NRXN1: variants seen among roughly 807,000 people sequenced by gnomAD.
NRXN1 encodes the protein neurexin-1.
In NRXN1, 39 loss-of-function variants were observed where a neutral mutation model predicts 150.9. That is an observed-to-expected ratio of 0.26 (90% CI 0.20 to 0.34). The LOEUF (loss-of-function observed/expected upper bound fraction) is 0.34, where lower values mean the gene tolerates loss of function less well. Ranked by LOEUF, NRXN1 falls within the 10% of genes least tolerant of loss-of-function variation. NRXN1 has a pLI of 1.00. For synonymous variants in NRXN1, 924 were observed against 757.0 expected, an observed-to-expected ratio of 1.22 and a Z score of -3.62; for missense variants, 1,815 against 1,949.9, an observed-to-expected ratio of 0.93 and a Z score of 1.30.
chr2:51,027,763 G>A lies in NRXN1; in HGVS notation c.511C>T (p.Leu171=), dbSNP rs1045874. The A allele has an allele frequency of 0.098, 157,640 of 1,611,952 alleles. 13,137 individuals are homozygous for A. The highest frequency in any genetic ancestry group is 0.43 in the African/African-American group (32,479 of 74,892). Residue 171 remains leucine, a synonymous_variant, in exon 2 of 23, where the codon CTG becomes TTG. Coordinates refer to ENST00000401669, the MANE Select transcript of NRXN1 (RefSeq NM_001330078.2). ...GGCTCCCGCTCCCTCACCGAGGCCAGGGTGAGCTTGAGCGCCGCGGCGCGC... is the reference window on the plus strand; with the variant it reads ...GGCTCCCGCTCCCTCACCGAGGCCAAGGTGAGCTTGAGCGCCGCGGCGCGC... ...ELRAAALKLT[L]ASVREREPFK...
intron 8 of NRXN1, among the ~76,000 whole-genome samples, chr2:50,609,098 G>C (rs1339496821): frequency 6.6e-6 from 1 of 151,888 alleles, no homozygotes; most frequent in African/African-American, 2.4e-5. Context: ...CACATATTAG[G>C]GATATGGCTC....
intron 5 of NRXN1, among the ~76,000 whole-genome samples, chr2:50,713,570 TAA>T (rs1695477432): frequency 6.6e-6 from 1 of 152,002 alleles, no homozygotes; most frequent in Non-Finnish European, 1.5e-5. Context: ...GAGAAAAAAA[TAA>T]ATCATCCTAC....
At chr2:50,036,955 C>T (rs1418160009) in intron 21 of NRXN1, among the ~76,000 whole-genome samples, 1 of 152,060 alleles carries the variant, frequency 6.6e-6, no homozygotes, top group Admixed American at 6.6e-5. Flanking sequence ...CTACTGAAGC[C>T]CAGTCCAAAT....
chr2:51,012,160 C>T (rs776381219), intron 2 of NRXN1, among the ~76,000 whole-genome samples: 1 of 151,980 alleles, frequency 6.6e-6, no homozygotes, highest in Non-Finnish European at 1.5e-5. Context: ...TTTCAGGTTT[C>T]CTCACTTTCC....
At chr2:50,387,598 G>A (rs2081410725) in intron 17 of NRXN1, among the ~76,000 whole-genome samples, 1 of 152,160 alleles carries the variant, frequency 6.6e-6, no homozygotes, top group African/African-American at 2.4e-5. Flanking sequence ...GGTAGGAGAA[G>A]TGAATACCAA....
intron 18 of NRXN1, among the ~76,000 whole-genome samples, chr2:50,119,449 C>T (rs1703541890): frequency 6.6e-6 from 1 of 151,882 alleles, no homozygotes; most frequent in Non-Finnish European, 1.5e-5. Context: ...TGCAAGTTTT[C>T]CTTTGTCTTT....
At chr2:50,902,296 A>G (rs989162260) in intron 5 of NRXN1, among the ~76,000 whole-genome samples, 19 of 152,138 alleles carry the variant, frequency 1.2e-4, no homozygotes, top group Non-Finnish European at 1.5e-4. Flanking sequence ...GTAAAAACAG[A>G]CACAAATTAG....
Position 50,538,359 on chromosome 2 carries a change from C to T in NRXN1, c.2037G>A (p.Pro679=), listed in dbSNP as rs199714221. ...TGTTTTTGCAAGGGTTGCTAAGGCA[C>T]GGTTTTGCTGTTTCCTTTGAGCAGG... is the stretch of plus-strand genomic sequence containing the variant. ...KPSCSKETAK[P]CLSNPCKNNG... is the part of the protein sequence containing the mutation. The change falls in exon 10 of 23, where the codon CCG becomes CCA. Residue 679 remains proline, a synonymous_variant. Coordinates refer to ENST00000401669, the MANE Select transcript of NRXN1 (RefSeq NM_001330078.2). 4.7e-5 allele frequency: 76 copies of T among 1,613,872 alleles called. No individual in the cohort carries two copies. The Admixed American group carries it at 8.8e-4, about 19-fold the overall frequency.
At chr2:50,645,863 G>C (rs1684746612) in intron 5 of NRXN1, among the ~76,000 whole-genome samples, 1 of 151,872 alleles carries the variant, frequency 6.6e-6, no homozygotes, top group East Asian at 1.9e-4. Flanking sequence ...ATGATTCCCA[G>C]TCTAAGGAGA....
At chr2:50,211,564 G>A (rs192506424) in intron 18 of NRXN1, among the ~76,000 whole-genome samples, 14 of 151,402 alleles carry the variant, frequency 9.2e-5, no homozygotes, top group East Asian at 1.9e-4. Context: ...GAAATGTGAC[G>A]ATTCAATAAT....
intron 17 of NRXN1, among the ~76,000 whole-genome samples, chr2:50,255,232 AT>A (rs1039968349): frequency 1.3e-5 from 2 of 152,210 alleles, no homozygotes; most frequent in Admixed American, 1.3e-4. Context: ...ACGATATAAG[AT>A]TTTTTAACCC....
At chr2:50,292,140 T>C (rs1851030) in intron 17 of NRXN1, among the ~76,000 whole-genome samples, 76,721 of 151,998 alleles carry the variant, frequency 0.5, 19,915 homozygotes, top group Non-Finnish European at 0.56. Flanking sequence ...TCTTTTTGCA[T>C]TGCTATTAGT....
At chr2:50,073,349 T>A (rs773493504) in intron 19 of NRXN1, among the ~76,000 whole-genome samples, 1 of 152,194 alleles carries the variant, frequency 6.6e-6, no homozygotes, top group Non-Finnish European at 1.5e-5. Context: ...ACATAGCCGG[T>A]CTTAAATAAA....
intron 2 of NRXN1, among the ~76,000 whole-genome samples, chr2:51,002,442 A>G (rs981662776): frequency 1.3e-5 from 2 of 152,004 alleles, no homozygotes; most frequent in African/African-American, 4.8e-5. Flanking sequence ...TTTATTTGCT[A>G]TAGTGTACCA....
intron 5 of NRXN1, among the ~76,000 whole-genome samples, chr2:50,705,590 ATG>A (rs1301440048): frequency 6.6e-6 from 1 of 152,206 alleles, no homozygotes; most frequent in Non-Finnish European, 1.5e-5. Flanking sequence ...CTCCTGACCA[ATG>A]CAGTTGGATT....
At chr2:50,075,147 CAAAATGTAAA>C (rs1210015534) in intron 19 of NRXN1, among the ~76,000 whole-genome samples, 1 of 152,100 alleles carries the variant, frequency 6.6e-6, no homozygotes, top group Non-Finnish European at 1.5e-5. Context: ...AAACAGACTC[CAAAATGTAAA>C]ATATCTGACC....
Position 50,217,675 on chromosome 2 carries a change from C to T in NRXN1, c.3546+19114G>A, listed in dbSNP as rs910777528. 5.9e-5 allele frequency among the ~76,000 whole-genome samples: 9 copies of T among 152,030 alleles called. No individual in the cohort carries two copies. In the East Asian group the frequency reaches 1.7e-3, roughly 29 times the overall value. Reference sequence around the variant, plus strand: ...CATTCTGTGGGTCTGTGGAGCAAGTCTGTCAACAGAACGCCTGGTTGAAGG... The same window carrying T: ...CATTCTGTGGGTCTGTGGAGCAAGTTTGTCAACAGAACGCCTGGTTGAAGG... On this transcript the variant is annotated intron_variant, in intron 18 of 22. Transcript: ENST00000401669.
intron 21 of NRXN1, among the ~76,000 whole-genome samples, chr2:50,028,010 T>G (rs1243049065): frequency 2.6e-5 from 4 of 151,826 alleles, no homozygotes; most frequent in African/African-American, 4.8e-5. Flanking sequence ...GTCTTGGGCA[T>G]AAGTACTGAG....
intron 2 of NRXN1, among the ~76,000 whole-genome samples, chr2:50,955,927 T>G (rs1195505086): frequency 6.6e-6 from 1 of 152,190 alleles, no homozygotes; most frequent in African/African-American, 2.4e-5. Context: ...TCCCAGAGTC[T>G]GCCGGGCAGC....
Sources: gnomAD v4.1 joint callset for allele counts (sites outside exome capture counted in the v4.1 genomes callset) on GRCh38, gnomAD v4.1.1 for gene constraint, MANE v1.5 for transcripts, NCBI Gene and HGNC (gene_info 2026-07-23, HGNC 2026-07-21) for gene names.